Variants in AFF1 observed in about 807,000 individuals in gnomAD.
AFF1 encodes the protein ALF transcription elongation factor 1.
AFF1 carries 48 observed loss-of-function variants against 121.7 expected under a neutral mutation model. The ratio of observed to expected loss-of-function variants is 0.39; its 90% CI spans 0.31 to 0.50. The LOEUF is 0.50. Ranked by LOEUF, AFF1 falls within the 20% of genes least tolerant of loss-of-function variation. The pLI is 0.76. For synonymous variants in AFF1, 613 were observed against 563.0 expected (o/e 1.09, Z -1.26); for missense variants, 1,523 against 1,511.7 (o/e 1.01, Z -0.12).
rs1313823690 is a variant in AFF1, at chr4:87,047,130, T to A, written c.595T>A (p.Ser199Thr). The change falls in exon 4 of 21, where the codon TCG (serine) becomes ACG (threonine). Residue 199 changes from serine to threonine, a missense_variant. Ser to Thr is a moderately conservative substitution (Grantham distance 58, BLOSUM62 1). Around this residue, in one of 5 missense-constraint regions of AFF1, gnomAD observed 369 missense variants for 367.2 expected, o/e 1.00. Transcript: ENST00000395146. ...DGDHCASVTDSAPERELSPLI... is the reference protein window; with the variant it reads ...DGDHCASVTDTAPERELSPLI... The stretch of plus-strand genomic sequence containing the variant: ...AGACCACTGTGCTTCGGTGACAGAT[T>A]CGGCTCCAGAGAGGGAGCTTTCTCC... 1.2e-6 allele frequency: 2 copies of A among 1,614,078 alleles called. No homozygotes were observed. Among genetic ancestry groups the A allele is most frequent in the African/African-American group, 1.3e-5 (1 of 74,922 alleles).
intron 2 of AFF1, among the ~76,000 whole-genome samples, chr4:87,030,929 A>G (rs1729012622): frequency 6.6e-6 from 1 of 152,154 alleles, no homozygotes; most frequent in Non-Finnish European, 1.5e-5. Flanking sequence ...CTGAGGCCCC[A>G]GTTGAGTGCA....
intron 2 of AFF1, among the ~76,000 whole-genome samples, chr4:87,033,074 C>G (rs920741751): frequency 2.6e-5 from 4 of 152,128 alleles, no homozygotes; most frequent in African/African-American, 9.7e-5. Context: ...CCCTTGAGCC[C>G]AGAAGTTGGA....
rs760373455 is a variant in AFF1 at position 87,047,463 on chromosome 4, G to T, written c.928G>T (p.Ala310Ser). 6.2e-6 allele frequency: 10 copies of T among 1,614,148 alleles called. No homozygotes were observed. In the East Asian group the frequency reaches 2.2e-4, roughly 36 times the overall value. Residue 310 changes from alanine to serine, a missense_variant, in exon 4 of 21, where the codon GCC becomes TCC. Physicochemically the swap from Ala to Ser is moderately conservative, Grantham distance 99. Around this residue, in one of 5 missense-constraint regions of AFF1, gnomAD observed 905 missense variants for 842.5 expected, o/e 1.07. Coordinates refer to ENST00000395146, the MANE Select transcript of AFF1 (RefSeq NM_001166693.3). ...YVRPMDGQDQ[A>S]PSESPELKPL... ...CCGGCCCATGGATGGTCAAGATCAGGCCCCTAGTGAATCCCCTGAACTGAA... is the reference window on the plus strand; with the variant it reads ...CCGGCCCATGGATGGTCAAGATCAGTCCCCTAGTGAATCCCCTGAACTGAA...
intron 4 of AFF1, among the ~76,000 whole-genome samples, chr4:87,069,018 G>GT (rs963346999): frequency 6.6e-6 from 1 of 152,162 alleles, no homozygotes; most frequent in Non-Finnish European, 1.5e-5. Flanking sequence ...AGGGAAATAA[G>GT]TGAGAGGTGA....
rs902768845 is a variant in AFF1, at chr4:87,105,795, T to G, written c.1339-13T>G. The G allele has an allele frequency of 4.3e-6, 7 of 1,614,020 alleles. No homozygotes were observed. The highest frequency in any genetic ancestry group is 5.9e-6 in the Non-Finnish European group (7 of 1,180,028). On this transcript the variant is annotated splice_polypyrimidine_tract_variant and intron_variant, in intron 9 of 20. Transcript: ENST00000395146. ...TTTTCCTGGTCTTTCTTCCCCTTAT[T>G]GTGAATGCCTAGACCCCAGAGAAGC...
chr4:87,062,777 TTATTTA>T (rs1720912799), intron 4 of AFF1, among the ~76,000 whole-genome samples: 1 of 152,220 alleles, frequency 6.6e-6, no homozygotes, highest in Admixed American at 6.5e-5. Flanking sequence ...AGGTGGGTAC[TTATTTA>T]TAACTAGTGG....
chr4:86,997,178 C>CT (rs1725283229), intron 2 of AFF1, among the ~76,000 whole-genome samples: 2 of 152,006 alleles, frequency 1.3e-5, no homozygotes, highest in South Asian at 4.2e-4. Flanking sequence ...CCCCAAAGTG[C>CT]TGGGATTACA....
At chr4:87,008,620 GTTTT>G (rs11355941) in intron 2 of AFF1, among the ~76,000 whole-genome samples, 1 of 145,012 alleles carries the variant, frequency 6.9e-6, no homozygotes, top group African/African-American at 2.6e-5. Context: ...GAAATTTAGT[GTTTT>G]TTTTTTTTTT....
chr4:87,094,727 T>C (rs932036391), intron 7 of AFF1, among the ~76,000 whole-genome samples, 188 bp from the exon 8 acceptor site: 6 of 152,204 alleles, frequency 3.9e-5, no homozygotes, highest in Admixed American at 2.0e-4. Flanking sequence ...TTTTGGCCTA[T>C]TGAGAGGTTT....
At chr4:86,986,318 C>T (rs530572427) in intron 2 of AFF1, among the ~76,000 whole-genome samples, 19 of 152,174 alleles carry the variant, frequency 1.2e-4, no homozygotes, top group Admixed American at 2.6e-4. Context: ...GTGATCCACC[C>T]GCCTTGGCCT....
At chr4:87,065,759 A>G (rs966924854) in intron 4 of AFF1, among the ~76,000 whole-genome samples, 4 of 150,552 alleles carry the variant, frequency 2.7e-5, no homozygotes, top group African/African-American at 9.8e-5. Flanking sequence ...CCTTGTGCTT[A>G]AAGAACTTAA....
At chr4:87,001,207 CTTTTTTTTTTTTTT>C (rs34072831) in intron 2 of AFF1, among the ~76,000 whole-genome samples, 2 of 60,298 alleles carry the variant, frequency 3.3e-5, no homozygotes, top group Non-Finnish European at 6.0e-5. Flanking sequence ...CCTTTTTCTA[CTTTTTTTTTTTTTT>C]TTTTTTTTTT....
intron 2 of AFF1, among the ~76,000 whole-genome samples, chr4:86,949,341 C>G (rs1343832876): frequency 6.7e-6 from 1 of 150,308 alleles, no homozygotes; most frequent in Non-Finnish European, 1.5e-5. Flanking sequence ...TCTCTAACCC[C>G]TGACCTCAGG....
chr4:86,958,175 C>G (rs1721892524), intron 2 of AFF1, among the ~76,000 whole-genome samples: 2 of 141,282 alleles, frequency 1.4e-5, no homozygotes, highest in Admixed American at 1.5e-4. Context: ...CTCACTGCAA[C>G]TTCCACCTCT....
At chr4:87,091,021 CAAAAAAAAAAA>C (rs72486264) in intron 6 of AFF1, among the ~76,000 whole-genome samples, 10 of 64,846 alleles carry the variant, frequency 1.5e-4, no homozygotes, top group Admixed American at 4.3e-4. Flanking sequence ...TCTCTACCAC[CAAAAAAAAAAA>C]AAAAAAAAAA....
At chr4:86,941,309 G>A (rs990747183) in intron 1 of AFF1, among the ~76,000 whole-genome samples, 45 of 152,132 alleles carry the variant, frequency 3.0e-4, no homozygotes, top group African/African-American at 1.1e-3. Context: ...TCATGAGTTT[G>A]AGACCAGCCT....
Position 87,114,531 on chromosome 4 carries a change from C to T in AFF1, c.1698C>T (p.Ser566=). The T allele has an allele frequency of 6.2e-7, 1 of 1,612,656 alleles. No individual in the cohort carries two copies. Among genetic ancestry groups the T allele is most frequent in the Non-Finnish European group, 8.5e-7 (1 of 1,179,630 alleles). The part of the protein sequence containing the change: ...DSATSQEHSE[S]KDPPPKSSSK... ...CCACGAGTCAGGAGCATTCTGAATC[C>T]AAAGATCCTCCCCCTAAAAGCTCCA... Residue 566 remains serine (S), a synonymous_variant, in exon 12 of 21, where the codon TCC becomes TCT. Coordinates refer to ENST00000395146, the MANE Select transcript of AFF1 (RefSeq NM_001166693.3).
chr4:87,073,179 A>G (rs1482360281), intron 4 of AFF1, among the ~76,000 whole-genome samples: 1 of 149,016 alleles, frequency 6.7e-6, no homozygotes, highest in Non-Finnish European at 1.5e-5. Context: ...ACTGTTCATG[A>G]TGTTCTGATA....
intron 2 of AFF1, among the ~76,000 whole-genome samples, chr4:87,022,573 T>G (rs1351454220): frequency 1.2e-5 from 1 of 85,734 alleles, no homozygotes; most frequent in Admixed American, 1.2e-4. Context: ...TATATATATA[T>G]ATATATATAT....
Sources: allele counts gnomAD v4.1 joint callset (sites outside exome capture counted in the v4.1 genomes callset), GRCh38; gene constraint gnomAD v4.1.1; regional missense constraint gnomAD v4.1.1; transcripts MANE v1.5; gene names NCBI Gene and HGNC (gene_info 2026-07-23, HGNC 2026-07-21).